Variants in SLCO1B3 observed in about 807,000 individuals in gnomAD.
SLCO1B3 encodes liver-specific organic anion transporter 2.
In SLCO1B3, 72 loss-of-function variants were observed where a neutral mutation model predicts 71.8. The observed-to-expected ratio is 1.00, with a 90% CI of 0.83 to 1.22. The LOEUF is 1.22. Ranked by LOEUF, SLCO1B3 falls within the 50% of genes most tolerant of loss-of-function variation. The probability of loss-of-function intolerance (pLI) is 0.00; values close to 1 mark genes in which losing one functional copy is unlikely to be tolerated. For synonymous variants in SLCO1B3, 298 were observed against 278.4 expected (o/e 1.07, Z -0.70); for missense variants, 911 against 819.7 (o/e 1.11, Z -1.36).
Position 20,862,403 on chromosome 12 carries a change from T to G in SLCO1B3, c.482-9T>G, listed in dbSNP as rs367973507. Reference sequence around the variant, plus strand: ...ATGTTTAAAGTAAAACACTCTCTTGTCTCGATAGATTGTGTAAAGGAATCT... The same window carrying G: ...ATGTTTAAAGTAAAACACTCTCTTGGCTCGATAGATTGTGTAAAGGAATCT... On this transcript the variant is annotated splice_polypyrimidine_tract_variant and intron_variant, in intron 6 of 15. Transcript: ENST00000381545. 2 of 1,603,516 alleles carry G rather than the reference T, an allele frequency of 1.2e-6. No homozygotes were observed. Among genetic ancestry groups the G allele is most frequent in the South Asian group, 2.3e-5 (2 of 87,674 alleles).
intron 15 of SLCO1B3, among the ~76,000 whole-genome samples, chr12:20,906,690 G>T (rs1206130210): frequency 6.6e-6 from 1 of 152,022 alleles, no homozygotes; most frequent in Non-Finnish European, 1.5e-5. Flanking sequence ...GTCACTAATG[G>T]TTATGAAACA....
intron 1 of SLCO1B3, among the ~76,000 whole-genome samples, chr12:20,812,518 G>A (rs1458021538): frequency 1.3e-5 from 2 of 152,168 alleles, no homozygotes; most frequent in Non-Finnish European, 2.9e-5. Context: ...TATACATGAA[G>A]GTAGAGAGCT....
chr12:20,848,431 C>A (rs1864958454), intron 3 of SLCO1B3, among the ~76,000 whole-genome samples: 1 of 152,086 alleles, frequency 6.6e-6, no homozygotes, highest in African/African-American at 2.4e-5. Context: ...CTGATAGTTT[C>A]TTATGAATCT....
At chr12:20,857,144 A>G (rs1865156768) in intron 4 of SLCO1B3, among the ~76,000 whole-genome samples, 1 of 152,180 alleles carries the variant, frequency 6.6e-6, no homozygotes, top group African/African-American at 2.4e-5. Flanking sequence ...TCAATGTTGT[A>G]TATGAGAAAT....
rs1866062532 is a variant in SLCO1B3 at position 20,898,498 on chromosome 12, T to C, written c.1745T>C (p.Leu582Pro). Residue 582 changes from leucine to proline, a missense_variant and splice_region_variant, in exon 14 of 16, where the codon CTA becomes CCA. By Grantham distance (98) the Leu-to-Pro change is moderately conservative (BLOSUM62 -3). Coordinates refer to ENST00000381545, the MANE Select transcript of SLCO1B3 (RefSeq NM_019844.4). ...MGFQSMVIRTLGGILAPIYFG... is the reference protein window; with the variant it reads ...MGFQSMVIRTPGGILAPIYFG... ...TTCCAGTCAATGGTTATAAGAACAC[T>C]AGGTATGACAAATATATAGATTATA... The C allele has an allele frequency of 2.0e-6, 3 of 1,514,890 alleles. No homozygotes were observed. Among genetic ancestry groups the C allele is most frequent in the South Asian group, 2.3e-5 (2 of 86,776 alleles). 93.8% of individuals were successfully genotyped at this position (1,514,890 alleles called of 1,614,324 possible). A position where few individuals can be genotyped will look rare whatever the true frequency, so the allele number is the denominator to read the frequency against.
At position 20,862,564 on chromosome 12, in the gene SLCO1B3, G is replaced by T. The variant is rs377206652; in HGVS notation, c.628+6G>T. The T allele has an allele frequency of 6.3e-7, 1 of 1,590,826 alleles. No individual in the cohort carries two copies. The highest frequency in any genetic ancestry group is 8.6e-7 in the Non-Finnish European group (1 of 1,166,454). On this transcript the variant is annotated splice_donor_region_variant and intron_variant, in intron 7 of 15. Coordinates refer to ENST00000381545, the MANE Select transcript of SLCO1B3 (RefSeq NM_019844.4). The stretch of plus-strand genomic sequence containing the variant: ...ACATTCTTCCTTGTATTTAGGTAAC[G>T]TACAGAATATATTAAATTTCATGAT...
chr12:20,905,416 G>A (rs549337274), intron 15 of SLCO1B3, among the ~76,000 whole-genome samples: 14 of 152,240 alleles, frequency 9.2e-5, no homozygotes, highest in Middle Eastern at 3.4e-3. Flanking sequence ...TTTCTACCAC[G>A]TGGCTGGGTT....
At chr12:20,910,585 A>G (rs1477145331) in intron 15 of SLCO1B3, among the ~76,000 whole-genome samples, 1 of 152,176 alleles carries the variant, frequency 6.6e-6, no homozygotes. Flanking sequence ...GATACTGTAC[A>G]TGAACATGGA....
chr12:20,861,094 A>T lies in SLCO1B3; in HGVS notation c.437A>T (p.Gln146Leu). Residue 146 changes from glutamine (Q) to leucine (L), a missense_variant, in exon 6 of 16, where the codon CAA becomes CTA. Physicochemically the swap from Gln to Leu is moderately radical, Grantham distance 113. Transcript: ENST00000381545. ...TSSLSTCLIN[Q>L]TLSFNGTSPE... ...AGTTTATCAACCTGTTTAATTAATCAAACCTTATCATTCAATGGAACATCA... is the reference window on the plus strand; with the variant it reads ...AGTTTATCAACCTGTTTAATTAATCTAACCTTATCATTCAATGGAACATCA... 1 of 1,603,506 alleles carries T rather than the reference A, an allele frequency of 6.2e-7. No homozygotes were observed. Among genetic ancestry groups the T allele is most frequent in the Non-Finnish European group, 8.5e-7 (1 of 1,174,290 alleles).
At chr12:20,891,385 G>A (rs1383177763) in intron 13 of SLCO1B3, among the ~76,000 whole-genome samples, 1 of 151,858 alleles carries the variant, frequency 6.6e-6, no homozygotes, top group Admixed American at 6.6e-5. Context: ...CTGCTGAGAA[G>A]TCTGTTGTTA....
chr12:20,840,323 C>T (rs1346249125), intron 3 of SLCO1B3, among the ~76,000 whole-genome samples: 1 of 152,086 alleles, frequency 6.6e-6, no homozygotes, highest in Non-Finnish European at 1.5e-5. Flanking sequence ...CCTACAGTTC[C>T]AAGCTTAGGT....
In SLCO1B3 at chr12:20,916,752, A is replaced by T. The variant is rs980177801; in HGVS notation, c.*505A>T. ...TGTGTTTGACTAACAACCTCGATGGATCTTCTTCCAACCTCCCATTAAGAT... is the reference window on the plus strand; with the variant it reads ...TGTGTTTGACTAACAACCTCGATGGTTCTTCTTCCAACCTCCCATTAAGAT... On this transcript the variant is annotated 3_prime_UTR_variant, in exon 16 of 16. Transcript: ENST00000381545. The T allele has an allele frequency of 1.3e-5, 2 of 152,200 alleles. No homozygotes were observed. Among genetic ancestry groups the T allele is most frequent in the Non-Finnish European group, 2.9e-5 (2 of 68,040 alleles). The allele number at this position is 152,200 out of a possible 1,614,324, so 9.4% of individuals were successfully genotyped here.
chr12:20,906,281 G>A (rs572393563), intron 15 of SLCO1B3, among the ~76,000 whole-genome samples: 3 of 152,338 alleles, frequency 2.0e-5, no homozygotes, highest in Non-Finnish European at 2.9e-5. Flanking sequence ...TTAACTGCGT[G>A]ATCTTGTAGA....
rs147901931 is a variant in SLCO1B3, at chr12:20,877,112, T to A, written c.971-660T>A. On this transcript the variant is annotated intron_variant, in intron 9 of 15. Transcript: ENST00000381545. ...TCCCAAAGTGCTGGGATTACAGGCGTGAGCCACCATGCCCAGCCAATTAAT... is the reference window on the plus strand; with the variant it reads ...TCCCAAAGTGCTGGGATTACAGGCGAGAGCCACCATGCCCAGCCAATTAAT... Among the ~76,000 whole-genome samples the A allele has an allele frequency of 4.4e-3, 669 of 152,254 alleles. 7 individuals are homozygous for A. The highest frequency in any genetic ancestry group is 0.015 in the African/African-American group (612 of 41,568).
chr12:20,844,367 GA>G (rs1443928658), intron 3 of SLCO1B3, among the ~76,000 whole-genome samples: 1 of 151,842 alleles, frequency 6.6e-6, no homozygotes, highest in Non-Finnish European at 1.5e-5. Context: ...GGGAGTTCAG[GA>G]CCAGCCTGGC....
In SLCO1B3 at chr12:20,916,006, G is replaced by A; in HGVS notation, c.1868G>A (p.Arg623Lys). 6.3e-7 allele frequency: 1 copy of A among 1,585,746 alleles called. No homozygotes were observed. Among genetic ancestry groups the A allele is most frequent in the Non-Finnish European group, 8.6e-7 (1 of 1,164,040 alleles). ...CRIYNSVFFG[R>K]VYLGLSIALR... Reference sequence around the variant, plus strand: ...CTCTCTATTTTCTCTTTTCACAGAAGGGTCTACTTGGGCTTATCTATAGCT... The same window carrying A: ...CTCTCTATTTTCTCTTTTCACAGAAAGGTCTACTTGGGCTTATCTATAGCT... Residue 623 changes from arginine to lysine, a missense_variant and splice_region_variant, in exon 16 of 16, where the codon AGG (arginine) becomes AAG (lysine). Physicochemically the swap from Arg to Lys is conservative, Grantham distance 26 (BLOSUM62 2). Transcript: ENST00000381545.
At chr12:20,839,866 G>A (rs1408738927) in intron 3 of SLCO1B3, among the ~76,000 whole-genome samples, 1 of 151,856 alleles carries the variant, frequency 6.6e-6, no homozygotes, top group African/African-American at 2.4e-5. Flanking sequence ...TGTTCATTTT[G>A]CTTTTTACTT....
intron 4 of SLCO1B3, among the ~76,000 whole-genome samples, chr12:20,856,471 A>T (rs528196926): frequency 6.6e-6 from 1 of 152,342 alleles, no homozygotes; most frequent in South Asian, 2.1e-4. Flanking sequence ...TAGTATTTAC[A>T]TTGTATTAGA....
intron 3 of SLCO1B3, among the ~76,000 whole-genome samples, chr12:20,832,280 C>A (rs1864557949): frequency 6.6e-6 from 1 of 152,012 alleles, no homozygotes; most frequent in South Asian, 2.1e-4. Flanking sequence ...GTATAAAAGC[C>A]CAAGTAGATT....
Sources: gnomAD v4.1 joint callset for allele counts (sites outside exome capture counted in the v4.1 genomes callset) on GRCh38, gnomAD v4.1.1 for gene constraint, MANE v1.5 for transcripts, NCBI Gene and HGNC (gene_info 2026-07-23, HGNC 2026-07-21) for gene names.